ANKS1B: variants seen among roughly 807,000 people sequenced by gnomAD.
The protein encoded by ANKS1B is ankyrin repeat and sterile alpha motif domain containing 1B, also known as ankyrin repeat and sterile alpha motif domain-containing protein 1B.
Under a neutral mutation model 148.3 loss-of-function variants are expected in ANKS1B, and 36 were observed. The observed-to-expected ratio is 0.24, with a 90% confidence interval of 0.19 to 0.32. The LOEUF is 0.32. Ranked by LOEUF, ANKS1B falls within the 10% of genes least tolerant of loss-of-function variation. The pLI is 1.00. For missense variants in ANKS1B, 1,157 were observed against 1,542.6 expected (o/e 0.75, Z 4.19); for synonymous variants, 542 against 560.8 (o/e 0.97, Z 0.47).
At chr12:99,676,320 A>C (rs1409701892) in intron 8 of ANKS1B, among the ~76,000 whole-genome samples, 5 of 152,218 alleles carry the variant, frequency 3.3e-5, no homozygotes, top group Non-Finnish European at 5.9e-5. Context: ...TATAAAAACT[A>C]AGATAAAATA....
At chr12:99,856,142 A>G (rs1299566792) in intron 1 of ANKS1B, among the ~76,000 whole-genome samples, 3 of 152,112 alleles carry the variant, frequency 2.0e-5, no homozygotes, top group Non-Finnish European at 2.9e-5. Flanking sequence ...GGTTCTTTGA[A>G]AAGATAAATA....
chr12:99,075,357 G>C (rs540487564), intron 16 of ANKS1B, among the ~76,000 whole-genome samples: 14 of 152,296 alleles, frequency 9.2e-5, no homozygotes, highest in African/African-American at 3.4e-4. Flanking sequence ...GATGGAAGAA[G>C]CCAGGGTCCC....
At chr12:99,378,638 G>A (rs1172107560) in intron 12 of ANKS1B, among the ~76,000 whole-genome samples, 1 of 131,304 alleles carries the variant, frequency 7.6e-6, no homozygotes, top group Non-Finnish European at 1.6e-5. Context: ...TGGCAACGGA[G>A]TGAGACTCCA....
At chr12:99,646,798 T>A (rs1020686524) in intron 9 of ANKS1B, among the ~76,000 whole-genome samples, 1 of 150,932 alleles carries the variant, frequency 6.6e-6, no homozygotes, top group Non-Finnish European at 1.5e-5. Flanking sequence ...ATATTTGCAA[T>A]ACCTAGCAAA....
intron 1 of ANKS1B, among the ~76,000 whole-genome samples, chr12:99,964,913 G>C (rs2095466668): frequency 6.6e-6 from 1 of 152,188 alleles, no homozygotes; most frequent in Admixed American, 6.5e-5. Flanking sequence ...AGAGGAGATT[G>C]ATAGCATATA....
chr12:99,948,454 T>C (rs2095129847), intron 1 of ANKS1B, among the ~76,000 whole-genome samples: 1 of 151,824 alleles, frequency 6.6e-6, no homozygotes, highest in Non-Finnish European at 1.5e-5. Flanking sequence ...AAAATTAGTA[T>C]CATTTTAATT....
At chr12:99,009,451 A>G (rs1424265838) in intron 17 of ANKS1B, among the ~76,000 whole-genome samples, 2 of 152,228 alleles carry the variant, frequency 1.3e-5, no homozygotes, top group East Asian at 3.9e-4. Flanking sequence ...TATGCCCCCC[A>G]GACTTCCTTC....
intron 9 of ANKS1B, among the ~76,000 whole-genome samples, chr12:99,528,772 A>C (rs17029587): frequency 0.065 from 9,809 of 150,800 alleles, 429 homozygotes; most frequent in East Asian, 0.24. Context: ...ACAATAAACA[A>C]AGGGAAGAAT....
At chr12:99,331,029 T>C (rs945823530) in intron 12 of ANKS1B, among the ~76,000 whole-genome samples, 3 of 151,964 alleles carry the variant, frequency 2.0e-5, no homozygotes, top group Non-Finnish European at 2.9e-5. Flanking sequence ...GATGAATCCA[T>C]TGGATATTGC....
At chr12:99,661,609 C>G (rs1252449360) in intron 8 of ANKS1B, among the ~76,000 whole-genome samples, 1 of 152,156 alleles carries the variant, frequency 6.6e-6, no homozygotes, top group African/African-American at 2.4e-5. Flanking sequence ...CTCAAGTATA[C>G]CAAACTTCCT....
intron 15 of ANKS1B, among the ~76,000 whole-genome samples, chr12:99,111,466 A>T (rs2060269192): frequency 6.6e-6 from 1 of 152,118 alleles, no homozygotes; most frequent in African/African-American, 2.4e-5. Flanking sequence ...GGCTTGACTC[A>T]GCTGCCGCTT....
intron 4 of ANKS1B, among the ~76,000 whole-genome samples, chr12:99,786,984 A>G (rs1477657883): frequency 6.6e-6 from 1 of 152,250 alleles, no homozygotes; most frequent in African/African-American, 2.4e-5. Context: ...CTAGAACAAA[A>G]GAATAATTAT....
chr12:99,799,899 T>G (rs538356185), intron 4 of ANKS1B, among the ~76,000 whole-genome samples: 23 of 152,118 alleles, frequency 1.5e-4, no homozygotes, highest in Non-Finnish European at 1.0e-4. Flanking sequence ...TAAAACCCTA[T>G]CAGACACTAT....
At chr12:99,164,946 C>T (rs752294338) in intron 14 of ANKS1B, among the ~76,000 whole-genome samples, 2 of 152,094 alleles carry the variant, frequency 1.3e-5, no homozygotes, top group Non-Finnish European at 2.9e-5. Flanking sequence ...ATCCTTATAA[C>T]CATCTTAATC....
At chr12:99,868,378 A>G (rs189150776) in intron 1 of ANKS1B, among the ~76,000 whole-genome samples, 1 of 152,308 alleles carries the variant, frequency 6.6e-6, no homozygotes, top group East Asian at 1.9e-4. Flanking sequence ...TAGCAGTCAT[A>G]CTTAATTATG....
intron 8 of ANKS1B, among the ~76,000 whole-genome samples, chr12:99,756,065 T>C (rs1435359460): frequency 6.6e-6 from 1 of 152,022 alleles, no homozygotes; most frequent in Non-Finnish European, 1.5e-5. Context: ...ACCACTTCTA[T>C]TCAACATAGT....
chr12:99,544,824 T>C (rs2097158170), intron 9 of ANKS1B, among the ~76,000 whole-genome samples: 1 of 152,168 alleles, frequency 6.6e-6, no homozygotes, highest in Non-Finnish European at 1.5e-5. Context: ...TTCTTCTGTA[T>C]AAAGTCTTAC....
intron 12 of ANKS1B, among the ~76,000 whole-genome samples, chr12:99,328,335 C>T (rs897566681): frequency 6.6e-6 from 1 of 151,746 alleles, no homozygotes; most frequent in African/African-American, 2.4e-5. Context: ...AGCAAAACGT[C>T]GAAGATCCAT....
At chr12:98,925,401 C>T (rs1236995832) in intron 17 of ANKS1B, among the ~76,000 whole-genome samples, 3 of 152,178 alleles carry the variant, frequency 2.0e-5, no homozygotes, top group African/African-American at 4.8e-5. Context: ...CTGCTCACTA[C>T]ACTGATTCCC....
Sources: gnomAD v4.1 joint callset for allele counts (sites outside exome capture counted in the v4.1 genomes callset) on GRCh38, gnomAD v4.1.1 for gene constraint, MANE v1.5 for transcripts, NCBI Gene and HGNC (gene_info 2026-07-23, HGNC 2026-07-21) for gene names.